Variants in MMP26 observed in about 807,000 individuals in gnomAD.
The protein encoded by MMP26 is matrix metallopeptidase 26, also known as matrix metalloproteinase-26.
Under a neutral mutation model 31.0 loss-of-function variants are expected in MMP26, and 33 were observed. The observed-to-expected ratio is 1.06, with a 90% confidence interval of 0.81 to 1.42. The LOEUF is 1.42. Among genes scored for constraint, MMP26 ranks in the 40% most tolerant of loss-of-function variants. MMP26 has a pLI of 0.00. For synonymous variants in MMP26, 122 were observed against 114.9 expected (o/e 1.06, Z -0.40); for missense variants, 347 against 316.1 (o/e 1.10, Z -0.74).
At position 4,991,490 on chromosome 11, in the gene MMP26, G is replaced by A; in HGVS notation, c.589G>A (p.Asp197Asn). The A allele has an allele frequency of 6.2e-7, 1 of 1,613,638 alleles. No homozygotes were observed. The highest frequency in any genetic ancestry group is 8.5e-7 in the Non-Finnish European group (1 of 1,179,662). ...CAAGAATGAACACTGGTCAGCTTCA[G>A]ACACTGGTAAATGCCTTGTTTGGTG... is the stretch of plus-strand genomic sequence containing the variant. ...FDKNEHWSAS[D>N]TGYNLFLVAT... Residue 197 changes from aspartate (D) to asparagine (N), a missense_variant, in exon 6 of 8, where the codon GAC (aspartate) becomes AAC (asparagine). Transcript: ENST00000380390.
At chr11:4,935,883 T>C (rs1390388551) in intron 2 of MMP26, among the ~76,000 whole-genome samples, 1 of 148,884 alleles carries the variant, frequency 6.7e-6, no homozygotes, top group Non-Finnish European at 1.5e-5. Flanking sequence ...TTACATTTAT[T>C]GATTTGCGTA....
chr11:4,898,354 T>C (rs938229372), intron 2 of MMP26, among the ~76,000 whole-genome samples: 1 of 152,078 alleles, frequency 6.6e-6, no homozygotes, highest in Non-Finnish European at 1.5e-5. Flanking sequence ...TCTTTTTCTT[T>C]GGTTTTCAGG....
chr11:4,792,713 A>G (rs1025884539), intron 2 of MMP26, among the ~76,000 whole-genome samples: 1 of 151,296 alleles, frequency 6.6e-6, no homozygotes, highest in African/African-American at 2.4e-5. Flanking sequence ...TAGAACATGA[A>G]CTTCTGTTAT....
intron 2 of MMP26, among the ~76,000 whole-genome samples, chr11:4,958,173 G>A (rs1269846129): frequency 6.6e-6 from 1 of 152,094 alleles, no homozygotes; most frequent in African/African-American, 2.4e-5. Context: ...CACAGCAGCT[G>A]GCACCTCCTA....
chr11:4,770,020 G>A (rs1848695634), intron 2 of MMP26: 4 of 650,162 alleles, frequency 6.2e-6, no homozygotes, highest in Middle Eastern at 3.0e-4. Flanking sequence ...CTTTTAGTTA[G>A]TAGAGTTATC....
chr11:4,915,208 G>C, intron 2 of MMP26: 1 of 1,613,996 alleles, frequency 6.2e-7, no homozygotes. Flanking sequence ...GACCCAGAGA[G>C]ACCAGGCCAA....
chr11:4,946,945 C>T, intron 2 of MMP26: 1 of 1,605,830 alleles, frequency 6.2e-7, no homozygotes. Flanking sequence ...AGGGCTCTGT[C>T]TTGATGATAA....
chr11:4,926,640 T>C (rs1851277569), intron 2 of MMP26, among the ~76,000 whole-genome samples: 1 of 152,218 alleles, frequency 6.6e-6, no homozygotes, highest in South Asian at 2.1e-4. Context: ...AGAAAAGTCA[T>C]TCTGCCTACC....
chr11:4,936,861 A>T (rs1846120571), intron 2 of MMP26, among the ~76,000 whole-genome samples: 1 of 152,166 alleles, frequency 6.6e-6, no homozygotes, highest in African/African-American at 2.4e-5. Context: ...TTGCAGTTTG[A>T]ATTTACATCC....
At chr11:4,807,132 A>G (rs770272282) in intron 2 of MMP26, among the ~76,000 whole-genome samples, 46 of 152,190 alleles carry the variant, frequency 3.0e-4, no homozygotes, top group Non-Finnish European at 5.6e-4. Context: ...TTTTTAATAA[A>G]CTTACGTGTG....
At chr11:4,743,744 A>T (rs73390880) in intron 1 of MMP26, among the ~76,000 whole-genome samples, 6,849 of 152,264 alleles carry the variant, frequency 0.045, 494 homozygotes, top group African/African-American at 0.16. Flanking sequence ...CTGCTTAAAT[A>T]ATCACATTAT....
chr11:4,741,581 A>G (rs1848311947), intron 1 of MMP26, among the ~76,000 whole-genome samples: 1 of 146,854 alleles, frequency 6.8e-6, no homozygotes, highest in Non-Finnish European at 1.5e-5. Flanking sequence ...TCTCGCTCAT[A>G]AGTGGGAGTT....
In MMP26 at chr11:4,727,513, T is replaced by TA. The variant is rs1402733941; in HGVS notation, c.-217+22477dup. On this transcript the variant is annotated intron_variant, in intron 1 of 7. Coordinates refer to ENST00000380390, the MANE Select transcript of MMP26 (RefSeq NM_021801.5). ...AGTACAAGGTACATGACAATCCTAA[T>TA]AAAAAAAAATACTTGGCTGGGCACG... is the stretch of plus-strand genomic sequence containing the variant. Among the ~76,000 whole-genome samples, 35 of 151,640 alleles carry TA rather than the reference T, an allele frequency of 2.3e-4. No individual in the cohort carries two copies. The East Asian group carries it at 3.7e-3, about 16-fold the overall frequency.
chr11:4,801,010 A>T (rs957158993), intron 2 of MMP26, among the ~76,000 whole-genome samples: 4 of 152,062 alleles, frequency 2.6e-5, no homozygotes, highest in African/African-American at 9.7e-5. Context: ...TACTGTCCAT[A>T]TTTCTTCACT....
At chr11:4,965,313 T>C (rs996566054) in intron 2 of MMP26, among the ~76,000 whole-genome samples, 2 of 152,154 alleles carry the variant, frequency 1.3e-5, no homozygotes, top group African/African-American at 4.8e-5. Flanking sequence ...TTGTGGACTT[T>C]GAGAAAATAA....
At chr11:4,904,384 T>C (rs1850851051) in intron 2 of MMP26, among the ~76,000 whole-genome samples, 1 of 152,106 alleles carries the variant, frequency 6.6e-6, no homozygotes, top group Admixed American at 6.5e-5. Context: ...GGAAATATTT[T>C]ACCTGAGGAC....
chr11:4,991,310 C>G, intron 5 of MMP26, 61 bp from the exon 6 acceptor site: 1 of 1,561,350 alleles, frequency 6.4e-7, no homozygotes, highest in Non-Finnish European at 8.7e-7. Flanking sequence ...TTACTTAAGA[C>G]TATTCTGGCC....
rs1847001447 is a variant in MMP26 at position 4,991,458 on chromosome 11, A to G, written c.557A>G (p.His186Arg). The change falls in exon 6 of 8, where the codon CAT (histidine) becomes CGT (arginine). Residue 186 changes from histidine to arginine, a missense_variant. His to Arg is a conservative substitution (Grantham distance 29). Transcript: ENST00000380390. Reference protein sequence around the residue: ...LPNSGNPGVVHFDKNEHWSAS... With the variant: ...LPNSGNPGVVRFDKNEHWSAS... The stretch of plus-strand genomic sequence containing the variant: ...AATTCTGGAAATCCTGGAGTTGTCC[A>G]TTTTGACAAGAATGAACACTGGTCA... 1 of 1,614,006 alleles carries G rather than the reference A, an allele frequency of 6.2e-7. No individual in the cohort carries two copies. Among genetic ancestry groups the G allele is most frequent in the Non-Finnish European group, 8.5e-7 (1 of 1,179,898 alleles).
chr11:4,736,450 A>G (rs573430019), intron 1 of MMP26: 1 of 152,296 alleles, frequency 6.6e-6, no homozygotes, highest in South Asian at 2.1e-4. Flanking sequence ...AGGATATAGG[A>G]GAGAAGAATA....
Sources: allele counts gnomAD v4.1 joint callset (sites outside exome capture counted in the v4.1 genomes callset), GRCh38; gene constraint gnomAD v4.1.1; transcripts MANE v1.5; gene names NCBI Gene and HGNC (gene_info 2026-07-23, HGNC 2026-07-21).